The following ETV3 variants were observed in gnomAD, a reference collection of about 807,000 sequenced individuals.
The protein encoded by ETV3 is ETS translocation variant 3.
In ETV3, 8 loss-of-function variants were observed where a neutral mutation model predicts 33.0. That is an observed-to-expected ratio of 0.24 (90% confidence interval 0.14 to 0.44). The LOEUF (loss-of-function observed/expected upper bound fraction) is 0.44, where lower values mean the gene tolerates loss of function less well. Ranked by LOEUF, ETV3 falls within the 20% of genes least tolerant of loss-of-function variation. The pLI, the probability that ETV3 is intolerant of heterozygous loss-of-function variation, is 1.00. For missense variants in ETV3, 473 were observed against 652.3 expected (o/e 0.73, Z 2.99); for synonymous variants, 222 against 238.9 (o/e 0.93, Z 0.65).
chr1:157,124,809 T>C lies in ETV3; in HGVS notation c.*32A>G, dbSNP rs538199020. ...ATAAATACATGTATGTATTTGATTA[T>C]AGTATAAACAGCTCCTAATCCACTT... On this transcript the variant is annotated 3_prime_UTR_variant, in exon 5 of 5. Coordinates refer to ENST00000368192, the MANE Select transcript of ETV3 (RefSeq NM_001145312.3). 4.2e-6 allele frequency: 6 copies of C among 1,420,606 alleles called. No homozygotes were observed. The African/African-American group carries it at 5.9e-5, about 14-fold the overall frequency. 88.0% of individuals were successfully genotyped at this position (1,420,606 alleles called of 1,614,324 possible). A position where few individuals can be genotyped will look rare whatever the true frequency, so the allele number is the denominator to read the frequency against.
At chr1:157,128,105 G>A (rs1454519624) in intron 4 of ETV3, among the ~76,000 whole-genome samples, 1 of 152,168 alleles carries the variant, frequency 6.6e-6, no homozygotes. Flanking sequence ...GGATGGTTAT[G>A]AATTGCTCCC....
Position 157,121,340 on chromosome 1 carries a change from T to A in ETV3, c.*3501A>T, listed in dbSNP as rs1247477554. 1 of 151,702 alleles carries A rather than the reference T, an allele frequency of 6.6e-6. No homozygotes were observed. The highest frequency in any genetic ancestry group is 1.5e-5 in the Non-Finnish European group (1 of 67,942). The allele number at this position is 151,702 out of a possible 1,614,324, so 9.4% of individuals were successfully genotyped here. On this transcript the variant is annotated 3_prime_UTR_variant, in exon 5 of 5. Transcript: ENST00000368192. ...ATAACATTACATCATATATATATAA[T>A]ATATATGCAAAAATTTGAAGACTTT...
chr1:157,128,280 T>C (rs1259309470), intron 4 of ETV3: 1 of 157,178 alleles, frequency 6.4e-6, no homozygotes, highest in Non-Finnish European at 1.4e-5. Context: ...TTTTTTTTTT[T>C]AAGCCACTGA....
At chr1:157,128,518 A>G (rs1674895093) in intron 4 of ETV3, 2 of 266,814 alleles carry the variant, frequency 7.5e-6, no homozygotes, top group South Asian at 5.1e-5. Context: ...ACAGATGCCA[A>G]TAAGAACAAA....
In ETV3 at chr1:157,125,192, C is replaced by T. The variant is rs746432551; in HGVS notation, c.1188G>A (p.Ser396=). ...GAGTGTGCTCCTCCTTCTCTCGTGC[C>T]GACTGCCTGAGGCTCTCAGGATCCT... ...SEKDPESLRQ[S]AREKEEHTQE... is the part of the protein sequence containing the mutation. The change falls in exon 5 of 5, where the codon TCG becomes TCA. Residue 396 remains serine (S), a synonymous_variant. Transcript: ENST00000368192. The surrounding 1 kb of genome is among the most constrained non-coding windows in gnomAD (Gnocchi z 4.0). The T allele has an allele frequency of 1.2e-5, 19 of 1,552,002 alleles. No individual in the cohort carries two copies. In the South Asian group the frequency reaches 1.8e-4, roughly 15 times the overall value.
At chr1:157,137,827 A>G (rs1487673882) in intron 1 of ETV3, among the ~76,000 whole-genome samples, 1 of 152,006 alleles carries the variant, frequency 6.6e-6, no homozygotes, top group East Asian at 1.9e-4. Flanking sequence ...TTTCCCCATA[A>G]AAGTCCCTTT....
chr1:157,123,125 G>C lies in ETV3; in HGVS notation c.*1716C>G, dbSNP rs1358048175. ...GTTTGCTTAGGCTAAGGTGGAGTCA[G>C]AAATGTCTCTAATTGTAGACACCAT... is the stretch of plus-strand genomic sequence containing the variant. On this transcript the variant is annotated 3_prime_UTR_variant, in exon 5 of 5. Coordinates refer to ENST00000368192, the MANE Select transcript of ETV3 (RefSeq NM_001145312.3). The C allele has an allele frequency of 6.6e-6, 1 of 152,246 alleles. No individual in the cohort carries two copies. Among genetic ancestry groups the C allele is most frequent in the Non-Finnish European group, 1.5e-5 (1 of 68,042 alleles). 9.4% of individuals were successfully genotyped at this position (152,246 alleles called of 1,614,324 possible).
At chr1:157,136,232 A>T in intron 2 of ETV3, 75 bp downstream of exon 2, 1 of 1,377,314 alleles carries the variant, frequency 7.3e-7, no homozygotes, top group South Asian at 1.2e-5. Context: ...ATTTGTGAAC[A>T]GAGCTCAAGT....
At position 157,125,168 on chromosome 1, in the gene ETV3, A is replaced by G. The variant is rs1242817072; in HGVS notation, c.1212T>C (p.Thr404=). 2 of 1,551,820 alleles carry G rather than the reference A, an allele frequency of 1.3e-6. No individual in the cohort carries two copies. The highest frequency in any genetic ancestry group is 2.4e-5 in the South Asian group (2 of 84,030). The change falls in exon 5 of 5, where the codon ACT becomes ACC. Residue 404 remains threonine (T), a synonymous_variant. Transcript: ENST00000368192. The surrounding 1 kb of genome is among the most constrained non-coding windows in gnomAD (Gnocchi z 4.0). The part of the protein sequence containing the change: ...RQSAREKEEH[T]QEEGTVPSRT... ...TGCTTGGCACAGTGCCCTCTTCTTG[A>G]GTGTGCTCCTCCTTCTCTCGTGCCG...
In ETV3 at chr1:157,121,778, T is replaced by G. The variant is rs534709516; in HGVS notation, c.*3063A>C. On this transcript the variant is annotated 3_prime_UTR_variant, in exon 5 of 5. Transcript: ENST00000368192. ...GAAGTGATATACTTCAACTATTTTT[T>G]TAATGCTTCTGAAAGTTTCTTGGCC... is the stretch of plus-strand genomic sequence containing the variant. 1.3e-5 allele frequency: 2 copies of G among 152,360 alleles called. No individual in the cohort carries two copies. Among genetic ancestry groups the G allele is most frequent in the East Asian group, 3.9e-4 (2 of 5,182 alleles). The allele number at this position is 152,360 out of a possible 1,614,324, so 9.4% of individuals were successfully genotyped here.
Position 157,124,809 on chromosome 1 carries a change from T to G in ETV3, c.*32A>C. ...ATAAATACATGTATGTATTTGATTA[T>G]AGTATAAACAGCTCCTAATCCACTT... On this transcript the variant is annotated 3_prime_UTR_variant, in exon 5 of 5. Transcript: ENST00000368192. 1 of 1,420,712 alleles carries G rather than the reference T, an allele frequency of 7.0e-7. No individual in the cohort carries two copies. Among genetic ancestry groups the G allele is most frequent in the Non-Finnish European group, 9.2e-7 (1 of 1,084,100 alleles). 88.0% of individuals were successfully genotyped at this position (1,420,712 alleles called of 1,614,324 possible). A position where few individuals can be genotyped will look rare whatever the true frequency, so the allele number is the denominator to read the frequency against.
At position 157,122,278 on chromosome 1, in the gene ETV3, G is replaced by A. The variant is rs918280188; in HGVS notation, c.*2563C>T. The A allele has an allele frequency of 2.6e-5, 4 of 152,022 alleles. No individual in the cohort carries two copies. The highest frequency in any genetic ancestry group is 2.1e-4 in the South Asian group (1 of 4,826). 9.4% of individuals were successfully genotyped at this position (152,022 alleles called of 1,614,324 possible). ...CTCTTTTGGCCCAGGCAATGTCAAC[G>A]ACTTCCACATTCCCTGGCCCACTTC... On this transcript the variant is annotated 3_prime_UTR_variant, in exon 5 of 5. Transcript: ENST00000368192.
intron 4 of ETV3, among the ~76,000 whole-genome samples, chr1:157,130,785 A>G (rs560929405): frequency 3.3e-5 from 5 of 152,352 alleles, no homozygotes; most frequent in African/African-American, 9.6e-5. Context: ...TCATTGTTAA[A>G]TAATTTTTTT....
Position 157,134,115 on chromosome 1 carries a change from T to G in ETV3, c.397A>C (p.Ser133Arg). 1.2e-6 allele frequency: 2 copies of G among 1,613,470 alleles called. No homozygotes were observed. The highest frequency in any genetic ancestry group is 1.7e-6 in the Non-Finnish European group (2 of 1,179,826). The change falls in exon 4 of 5, where the codon AGT becomes CGT. Residue 133 changes from serine to arginine, a missense_variant. Physicochemically the swap from Ser to Arg is moderately radical, Grantham distance 110 (BLOSUM62 -1). This residue lies in a region of ETV3 where 410 missense variants were observed against 520.2 expected (regional missense o/e 0.79). Transcript: ENST00000368192. ...ACCAAAAGAGTTTGTATCTTACCAC[T>G]TGACCGAATGTTGATGAATGGGTAG... is the stretch of plus-strand genomic sequence containing the variant. ...PNYPFINIRS[S>R]GVVPQSAPPV...
intron 3 of ETV3, 105 bp from the exon 4 acceptor site, chr1:157,134,332 A>G: frequency 1.4e-6 from 2 of 1,419,952 alleles, no homozygotes; most frequent in Non-Finnish European, 1.9e-6. Flanking sequence ...AGTATTACTT[A>G]CAAAAATCAC....
In ETV3 at chr1:157,124,709, T is replaced by G. The variant is rs1674783628; in HGVS notation, c.*132A>C. 1 of 958,166 alleles carries G rather than the reference T, an allele frequency of 1.0e-6. No homozygotes were observed. The highest frequency in any genetic ancestry group is 1.6e-5 in the African/African-American group (1 of 60,632). The allele number at this position is 958,166 out of a possible 1,614,324, so 59.4% of individuals were successfully genotyped here. Reference sequence around the variant, plus strand: ...ATAACCCCATCCCATCCCCAAAACATAAAAATACAAGTCTATGCCCCTAGA... The same window carrying G: ...ATAACCCCATCCCATCCCCAAAACAGAAAAATACAAGTCTATGCCCCTAGA... On this transcript the variant is annotated 3_prime_UTR_variant, in exon 5 of 5. Transcript: ENST00000368192.
chr1:157,137,523 C>A (rs1316445747), intron 1 of ETV3, among the ~76,000 whole-genome samples: 1 of 150,924 alleles, frequency 6.6e-6, no homozygotes, highest in African/African-American at 2.4e-5. Flanking sequence ...CACACACACA[C>A]ACACACACAC....
rs994883344 is a variant in ETV3, at chr1:157,123,883, C to T, written c.*958G>A. The T allele has an allele frequency of 3.3e-5, 5 of 152,206 alleles. 1 individual carries two copies. The allele number at this position is 152,206 out of a possible 1,614,324, so 9.4% of individuals were successfully genotyped here. ...CCTCTTCAATAATGTTGTCATGCCT[C>T]TCAGTGAACGTGCTCACAGTCACAC... is the stretch of plus-strand genomic sequence containing the variant. On this transcript the variant is annotated 3_prime_UTR_variant, in exon 5 of 5. Coordinates refer to ENST00000368192, the MANE Select transcript of ETV3 (RefSeq NM_001145312.3).
In ETV3 at chr1:157,125,212, G is replaced by A. The variant is rs1432305060; in HGVS notation, c.1168C>T (p.Pro390Ser). 6.4e-7 allele frequency: 1 copy of A among 1,552,244 alleles called. No individual in the cohort carries two copies. Among genetic ancestry groups the A allele is most frequent in the Admixed American group, 2.0e-5 (1 of 51,000 alleles). Reference protein sequence around the residue: ...IKVEPASEKDPESLRQSAREK... With the variant: ...IKVEPASEKDSESLRQSAREK... ...CGTGCCGACTGCCTGAGGCTCTCAG[G>A]ATCCTTTTCAGAGGCAGGTTCCACC... The change falls in exon 5 of 5, where the codon CCT becomes TCT. Residue 390 changes from proline (P) to serine (S), a missense_variant. Pro to Ser is a moderately conservative substitution (Grantham distance 74). Transcript: ENST00000368192. The surrounding 1 kb of genome is among the most constrained non-coding windows in gnomAD (Gnocchi z 4.0).
Sources: gnomAD v4.1 joint callset for allele counts (sites outside exome capture counted in the v4.1 genomes callset) on GRCh38, gnomAD v4.1.1 for gene constraint, gnomAD v4.1.1 regional missense constraint, Gnocchi (gnomAD v3.1) non-coding constraint, MANE v1.5 for transcripts, NCBI Gene and HGNC (gene_info 2026-07-23, HGNC 2026-07-21) for gene names.